The following CHCHD7 variants were observed in gnomAD, a reference collection of about 807,000 sequenced individuals.
CHCHD7 encodes the protein coiled-coil-helix-coiled-coil-helix domain-containing protein 7.
A neutral mutation model predicts 10.5 loss-of-function variants in CHCHD7; 7 were observed. The observed-to-expected ratio is 0.67, with a 90% CI of 0.38 to 1.25. The LOEUF is 1.25. CHCHD7 is among the 50% of genes most tolerant of loss of function. The pLI, the probability that CHCHD7 is intolerant of heterozygous loss-of-function variation, is 0.02. For synonymous variants in CHCHD7, 40 were observed against 36.0 expected, an observed-to-expected ratio of 1.11 and a Z score of -0.40; for missense variants, 100 against 104.5, an observed-to-expected ratio of 0.96 and a Z score of 0.19.
chr8:56,212,703 CGATGTTG>C (rs1211151422), intron 1 of CHCHD7: 14 of 618,398 alleles, frequency 2.3e-5, no homozygotes, highest in Non-Finnish European at 4.1e-5. Context: ...GCGGAGCACT[CGATGTTG>C]TAATTCAGCC....
At position 56,218,101 on chromosome 8, in the gene CHCHD7, T is replaced by C. The variant is rs923337792; in HGVS notation, c.*666T>C. On this transcript the variant is annotated 3_prime_UTR_variant, in exon 4 of 4. Transcript: ENST00000355315. ...AGAAAGTCTTAGTTACAGGATTCTG[T>C]GATTAAAATCCTTAAATATTGGGTT... The C allele has an allele frequency of 4.4e-6, 1 of 228,354 alleles. No homozygotes were observed. Among genetic ancestry groups the C allele is most frequent in the Admixed American group, 5.7e-5 (1 of 17,602 alleles). The allele number at this position is 228,354 out of a possible 1,614,324, so 14.1% of individuals were successfully genotyped here.
chr8:56,213,100 C>CT (rs1367111328), intron 1 of CHCHD7: 1 of 421,472 alleles, frequency 2.4e-6, no homozygotes, highest in African/African-American at 2.0e-5. Context: ...AATTTATTTA[C>CT]TATCATCATC....
At chr8:56,217,301 CTTCTT>C in intron 3 of CHCHD7, 25 bp from the exon 4 acceptor site, 1 of 1,399,550 alleles carries the variant, frequency 7.1e-7, no homozygotes, top group Non-Finnish European at 1.0e-6. Context: ...ATTTTGGTTT[CTTCTT>C]TTTTATTTTA....
intron 2 of CHCHD7, chr8:56,215,243 A>T (rs1813272861): frequency 6.6e-6 from 1 of 152,434 alleles, no homozygotes. Context: ...CTCTTTAGTT[A>T]TATGCATTTT....
chr8:56,214,547 T>C, intron 1 of CHCHD7, 51 bp from the exon 2 acceptor site: 1 of 1,407,526 alleles, frequency 7.1e-7, no homozygotes, highest in Non-Finnish European at 1.0e-6. Flanking sequence ...GATGTATTGA[T>C]TTATTTTCTG....
chr8:56,214,603 A>C lies in CHCHD7; in HGVS notation c.-11A>C. ...TTTTTTCTGTCTACCCTCAGTAAGA[A>C]GACTGTTAGAATGCCCTCGGTAACA... On this transcript the variant is annotated 5_prime_UTR_variant, in exon 2 of 4. Coordinates refer to ENST00000355315, the MANE Select transcript of CHCHD7 (RefSeq NM_001011671.3). The C allele has an allele frequency of 2.5e-6, 4 of 1,611,956 alleles. No individual in the cohort carries two copies. Among genetic ancestry groups the C allele is most frequent in the Non-Finnish European group, 2.5e-6 (3 of 1,178,174 alleles).
rs755592178 is a variant in CHCHD7 at position 56,217,380 on chromosome 8, C to T, written c.203C>T (p.Pro68Leu). 6.2e-7 allele frequency: 1 copy of T among 1,612,734 alleles called. No homozygotes were observed. Among genetic ancestry groups the T allele is most frequent in the South Asian group, 1.1e-5 (1 of 91,030 alleles). ...RRKNGVKPFM[P>L]TAAERDEILR... is the part of the protein sequence containing the mutation. ...AAGAACGGAGTGAAGCCATTTATGC[C>T]TACGGCAGCAGAAAGAGATGAAATC... is the stretch of plus-strand genomic sequence containing the variant. The change falls in exon 4 of 4, where the codon CCT (proline) becomes CTT (leucine). Residue 68 changes from proline to leucine, a missense_variant. Physicochemically the swap from Pro to Leu is moderately conservative, Grantham distance 98. Transcript: ENST00000355315.
intron 3 of CHCHD7, chr8:56,216,978 G>C: frequency 4.6e-6 from 2 of 430,900 alleles, no homozygotes; most frequent in Admixed American, 3.8e-5. Flanking sequence ...TGAACCACGG[G>C]ATCCAGCTAT....
chr8:56,214,489 T>G (rs543048253), intron 1 of CHCHD7, 109 bp from the exon 2 acceptor site: 2 of 702,282 alleles, frequency 2.8e-6, no homozygotes, highest in Non-Finnish European at 4.9e-6. Context: ...CCTCACTAAG[T>G]GATCATTATG....
At chr8:56,216,972 C>T in intron 3 of CHCHD7, 1 of 431,956 alleles carries the variant, frequency 2.3e-6, no homozygotes, top group South Asian at 2.2e-5. Flanking sequence ...TTTCCTTGAA[C>T]CACGGGATCC....
At position 56,217,929 on chromosome 8, in the gene CHCHD7, G is replaced by A. The variant is rs913554946; in HGVS notation, c.*494G>A. ...GGTAAGTTGAAGGTAAGGAATGTGT[G>A]GTGGGCCTCAGATCCCAGGCTCATT... On this transcript the variant is annotated 3_prime_UTR_variant, in exon 4 of 4. Coordinates refer to ENST00000355315, the MANE Select transcript of CHCHD7 (RefSeq NM_001011671.3). 1 of 231,884 alleles carries A rather than the reference G, an allele frequency of 4.3e-6. No homozygotes were observed. The highest frequency in any genetic ancestry group is 8.5e-6 in the Non-Finnish European group (1 of 117,332). 14.4% of individuals were successfully genotyped at this position (231,884 alleles called of 1,614,324 possible). A position where few individuals can be genotyped will look rare whatever the true frequency, so the allele number is the denominator to read the frequency against.
At chr8:56,212,298 C>G (rs1422366021) in intron 1 of CHCHD7, 1 of 153,288 alleles carries the variant, frequency 6.5e-6, no homozygotes, top group Non-Finnish European at 1.5e-5. Context: ...GGCAGGCCAC[C>G]CTTGACTTCT....
chr8:56,215,166 G>T, intron 2 of CHCHD7: 1 of 153,536 alleles, frequency 6.5e-6, no homozygotes, highest in Non-Finnish European at 1.5e-5. Flanking sequence ...TATGATTTGC[G>T]ATACTTACTT....
At chr8:56,212,051 G>T (rs1462924326) in intron 1 of CHCHD7, 1 of 152,990 alleles carries the variant, frequency 6.5e-6, no homozygotes, top group Non-Finnish European at 1.5e-5. Flanking sequence ...TGCCTAGTCC[G>T]GGCAACCCCA....
At chr8:56,212,626 C>G (rs190955788) in intron 1 of CHCHD7, 1 of 458,860 alleles carries the variant, frequency 2.2e-6, no homozygotes, top group East Asian at 3.3e-5. Context: ...TGGTTATGCT[C>G]TGCAAGTAGT....
chr8:56,216,487 T>G lies in CHCHD7; in HGVS notation c.109T>G (p.Cys37Gly), dbSNP rs1421990218. 6.2e-7 allele frequency: 1 copy of G among 1,614,180 alleles called. No individual in the cohort carries two copies. The highest frequency in any genetic ancestry group is 1.1e-5 in the South Asian group (1 of 91,082). Reference sequence around the variant, plus strand: ...TGAAAATAACTATGACAGGGAAAGGTGTTCCACTTACTTCTTGAGGTACAA... The same window carrying G: ...TGAAAATAACTATGACAGGGAAAGGGGTTCCACTTACTTCTTGAGGTACAA... ...LDENNYDRER[C>G]STYFLRYKNC... Residue 37 changes from cysteine to glycine, a missense_variant, in exon 3 of 4, where the codon TGT (cysteine) becomes GGT (glycine). Physicochemically the swap from Cys to Gly is radical, Grantham distance 159. Coordinates refer to ENST00000355315, the MANE Select transcript of CHCHD7 (RefSeq NM_001011671.3).
At chr8:56,212,886 C>CTGGG in intron 1 of CHCHD7, 1 of 1,606,744 alleles carries the variant, frequency 6.2e-7, no homozygotes, top group South Asian at 1.1e-5. Context: ...CAAACTCGAA[C>CTGGG]TGGGTATATG....
At position 56,217,765 on chromosome 8, in the gene CHCHD7, G is replaced by A. The variant is rs1042948327; in HGVS notation, c.*330G>A. 4.0e-6 allele frequency: 1 copy of A among 249,998 alleles called. No homozygotes were observed. Among genetic ancestry groups the A allele is most frequent in the Admixed American group, 5.3e-5 (1 of 18,710 alleles). The allele number at this position is 249,998 out of a possible 1,614,324, so 15.5% of individuals were successfully genotyped here. On this transcript the variant is annotated 3_prime_UTR_variant, in exon 4 of 4. Transcript: ENST00000355315. ...AAGACTGAATGGGGCTGAGATGAAG[G>A]CAATGTTTCCAAGGAAAGGAAATGT... is the stretch of plus-strand genomic sequence containing the variant.
intron 3 of CHCHD7, 192 bp downstream of exon 3, chr8:56,216,723 C>T (rs1244701982): frequency 2.8e-6 from 2 of 719,676 alleles, no homozygotes; most frequent in East Asian, 2.7e-5. Flanking sequence ...CCTCGTCGTC[C>T]TCTAAGCTAT....
Sources: allele counts gnomAD v4.1 joint callset, GRCh38; gene constraint gnomAD v4.1.1; transcripts MANE v1.5; gene names NCBI Gene and HGNC (gene_info 2026-07-23, HGNC 2026-07-21).